The following NOL4 variants were observed in gnomAD, a reference collection of about 807,000 sequenced individuals.
NOL4 encodes the protein cancer/testis antigen 125.
In NOL4, 17 loss-of-function variants were observed where a neutral mutation model predicts 75.9. That is an observed-to-expected ratio of 0.22 (90% CI 0.15 to 0.34). NOL4 has a LOEUF of 0.34. NOL4 is among the 10% of genes least tolerant of loss of function. The pLI is 1.00. For synonymous variants in NOL4, 292 were observed against 289.9 expected (o/e 1.01, Z -0.07); for missense variants, 614 against 793.5 (o/e 0.77, Z 2.72).
chr18:33,967,731 A>G (rs2070719884), intron 6 of NOL4, among the ~76,000 whole-genome samples: 1 of 152,202 alleles, frequency 6.6e-6, no homozygotes, highest in African/African-American at 2.4e-5. Flanking sequence ...AATTATTAGC[A>G]AAATGCAAAT....
chr18:34,200,756 T>C (rs1173849106), intron 1 of NOL4, among the ~76,000 whole-genome samples: 1 of 151,692 alleles, frequency 6.6e-6, no homozygotes, highest in African/African-American at 2.4e-5. Context: ...TCTGTTCAGA[T>C]GAAAAAAATA....
intron 1 of NOL4, among the ~76,000 whole-genome samples, chr18:34,208,038 A>G (rs2146535846): frequency 6.6e-6 from 1 of 152,296 alleles, no homozygotes; most frequent in East Asian, 1.9e-4. Context: ...CTCTGGACAG[A>G]AAGAGCTTTT....
At position 33,881,324 on chromosome 18, in the gene NOL4, G is replaced by A. The variant is rs530508391; in HGVS notation, c.1723+1920C>T. On this transcript the variant is annotated intron_variant, in intron 10 of 10. Coordinates refer to ENST00000261592, the MANE Select transcript of NOL4 (RefSeq NM_003787.5). The stretch of plus-strand genomic sequence containing the variant: ...TGTCGTCTGCAAACAGGGACAATTT[G>A]ACTTCCTCTTTTCCTAATTGAATAC... 4.7e-3 allele frequency among the ~76,000 whole-genome samples: 702 copies of A among 149,790 alleles called. 5 individuals carry two copies. The highest frequency in any genetic ancestry group is 7.1e-3 in the Non-Finnish European group (481 of 67,554).
chr18:34,084,436 C>T (rs1017933468), intron 5 of NOL4, among the ~76,000 whole-genome samples: 1 of 152,084 alleles, frequency 6.6e-6, no homozygotes, highest in Non-Finnish European at 1.5e-5. Flanking sequence ...TAATATTTGG[C>T]AAGAATAACT....
intron 5 of NOL4, among the ~76,000 whole-genome samples, chr18:34,059,342 C>T (rs993366366): frequency 6.6e-6 from 1 of 151,870 alleles, no homozygotes; most frequent in African/African-American, 2.4e-5. Flanking sequence ...ACTGGAAGTT[C>T]TCTGGACACA....
chr18:33,957,565 C>G (rs2069745155), intron 7 of NOL4, 48 bp from the exon 8 acceptor site: 2 of 1,403,248 alleles, frequency 1.4e-6, no homozygotes, highest in Non-Finnish European at 9.8e-7. Flanking sequence ...GGGCTGCTCT[C>G]TTCTGTTCCT....
intron 2 of NOL4, among the ~76,000 whole-genome samples, chr18:34,122,026 T>C (rs2080165939): frequency 6.6e-6 from 1 of 152,198 alleles, no homozygotes; most frequent in Non-Finnish European, 1.5e-5. Flanking sequence ...ATATCACGTC[T>C]ATGTATTATC....
chr18:33,907,770 T>C (rs987252469), intron 9 of NOL4, among the ~76,000 whole-genome samples: 1 of 152,166 alleles, frequency 6.6e-6, no homozygotes, highest in Non-Finnish European at 1.5e-5. Flanking sequence ...AAAGGAGCTT[T>C]ATAAAGGGAT....
At chr18:34,105,323 T>C (rs2079219763) in intron 2 of NOL4, among the ~76,000 whole-genome samples, 163 bp from the exon 3 acceptor site, 1 of 151,966 alleles carries the variant, frequency 6.6e-6, no homozygotes, top group Non-Finnish European at 1.5e-5. Context: ...GAAATATCTA[T>C]CAAACTTGAT....
At chr18:34,181,950 C>T (rs1568426461) in intron 1 of NOL4, among the ~76,000 whole-genome samples, 1 of 151,646 alleles carries the variant, frequency 6.6e-6, no homozygotes. Context: ...AACCTCATAA[C>T]GTTGCTCTGG....
At chr18:34,162,398 A>C (rs578037493) in intron 1 of NOL4, among the ~76,000 whole-genome samples, 1 of 152,222 alleles carries the variant, frequency 6.6e-6, no homozygotes, top group East Asian at 1.9e-4. Flanking sequence ...AAAAATGATA[A>C]AGGGGATATC....
intron 1 of NOL4, among the ~76,000 whole-genome samples, chr18:34,163,985 T>G (rs2031940536): frequency 1.3e-5 from 2 of 152,114 alleles, no homozygotes; most frequent in South Asian, 4.1e-4. Context: ...AAACAAGCAA[T>G]GGGGAAAGGA....
At chr18:33,963,897 T>C (rs1043408631) in intron 6 of NOL4, among the ~76,000 whole-genome samples, 1 of 152,264 alleles carries the variant, frequency 6.6e-6, no homozygotes, top group East Asian at 1.9e-4. Context: ...AACACCACAG[T>C]GCTTGGTGTT....
chr18:34,105,882 C>T (rs967028855), intron 2 of NOL4, among the ~76,000 whole-genome samples: 10 of 151,872 alleles, frequency 6.6e-5, no homozygotes, highest in South Asian at 4.2e-4. Context: ...ATCCATACTA[C>T]CATTACAGTA....
At chr18:34,196,479 A>G (rs1259680559) in intron 1 of NOL4, among the ~76,000 whole-genome samples, 1 of 152,140 alleles carries the variant, frequency 6.6e-6, no homozygotes, top group African/African-American at 2.4e-5. Flanking sequence ...GTAAATAATA[A>G]AGTAAATGGC....
chr18:33,855,539 AT>A (rs1030500591), intron 10 of NOL4, among the ~76,000 whole-genome samples: 1 of 152,092 alleles, frequency 6.6e-6, no homozygotes, highest in African/African-American at 2.4e-5. Context: ...AAGAGAAAGG[AT>A]TTTGATATCC....
At chr18:34,222,403 C>A (rs868581214) in intron 1 of NOL4, 4 of 1,140,942 alleles carry the variant, frequency 3.5e-6, no homozygotes, top group Admixed American at 4.7e-5. Context: ...GTCGCGGCAA[C>A]GATCTCTGGG....
At chr18:34,058,356 G>A (rs768613553) in intron 5 of NOL4, among the ~76,000 whole-genome samples, 14 of 152,186 alleles carry the variant, frequency 9.2e-5, no homozygotes, top group South Asian at 4.1e-4. Flanking sequence ...GGATGGTCTC[G>A]ATCTCCTGAC....
intron 1 of NOL4, among the ~76,000 whole-genome samples, chr18:34,204,084 A>T (rs1050761076): frequency 6.6e-6 from 1 of 152,046 alleles, no homozygotes; most frequent in Non-Finnish European, 1.5e-5. Flanking sequence ...TTAAAAATTC[A>T]ATTTGTTCCA....
Sources: allele counts gnomAD v4.1 joint callset (sites outside exome capture counted in the v4.1 genomes callset), GRCh38; gene constraint gnomAD v4.1.1; transcripts MANE v1.5; gene names NCBI Gene and HGNC (gene_info 2026-07-23, HGNC 2026-07-21).